The following GTF2A1L variants were observed in gnomAD, a reference collection of about 807,000 sequenced individuals.
GTF2A1L encodes general transcription factor IIA subunit 1 like, also known as TFIIA-alpha and beta-like factor.
A neutral mutation model predicts 49.7 loss-of-function variants in GTF2A1L; 48 were observed. The ratio of observed to expected loss-of-function variants is 0.97; its 90% confidence interval spans 0.77 to 1.23. The LOEUF (loss-of-function observed/expected upper bound fraction) is 1.23, where lower values mean the gene tolerates loss of function less well. GTF2A1L is among the 50% of genes most tolerant of loss of function. The pLI is 0.00. For synonymous variants in GTF2A1L, 246 were observed against 193.5 expected (o/e 1.27, Z -2.25); for missense variants, 736 against 564.8 (o/e 1.30, Z -3.07).
At position 48,625,749 on chromosome 2, in the gene GTF2A1L, A is replaced by G. The variant is rs764958446; in HGVS notation, c.247+4459A>G. Among the ~76,000 whole-genome samples the G allele has an allele frequency of 1.4e-5, 2 of 142,420 alleles. 1 individual carries two copies. Among genetic ancestry groups the G allele is most frequent in the Non-Finnish European group, 3.2e-5 (2 of 63,418 alleles). 93.4% of individuals were successfully genotyped at this position (142,420 alleles called of 152,430 possible). ...AGGCATACTCTATCATGCCTGGCTA[A>G]TTTTCACATTTTTTGTAGAGACCAG... On this transcript the variant is annotated intron_variant, in intron 3 of 8. Transcript: ENST00000403751.
chr2:48,671,458 C>A, intron 7 of GTF2A1L, 133 bp from the exon 8 acceptor site: 1 of 795,346 alleles, frequency 1.3e-6, no homozygotes, highest in Non-Finnish European at 1.9e-6. Context: ...CCTGCCTAGG[C>A]CTCCCGTAGT....
At chr2:48,669,242 C>G (rs1278661523) in intron 6 of GTF2A1L, among the ~76,000 whole-genome samples, 1 of 152,118 alleles carries the variant, frequency 6.6e-6, no homozygotes, top group Non-Finnish European at 1.5e-5. Context: ...TATGAATTTG[C>G]CTATTCTAGG....
At chr2:48,620,114 A>T (rs1427483790) in intron 1 of GTF2A1L, among the ~76,000 whole-genome samples, 1 of 152,196 alleles carries the variant, frequency 6.6e-6, no homozygotes. Context: ...TAATATAGTG[A>T]ACCCTAAAAA....
chr2:48,630,091 C>T (rs1178282708), intron 3 of GTF2A1L, among the ~76,000 whole-genome samples: 3 of 144,200 alleles, frequency 2.1e-5, no homozygotes, highest in Non-Finnish European at 3.1e-5. Context: ...ATTGTTTTGG[C>T]TGTTCAGGCT....
chr2:48,665,801 A>C (rs1277562908), intron 6 of GTF2A1L, among the ~76,000 whole-genome samples: 2 of 152,042 alleles, frequency 1.3e-5, no homozygotes, highest in South Asian at 4.1e-4. Context: ...GGTATTCTCT[A>C]TATATTAATT....
At chr2:48,635,869 G>C (rs915409318) in intron 3 of GTF2A1L, among the ~76,000 whole-genome samples, 2 of 152,020 alleles carry the variant, frequency 1.3e-5, no homozygotes. Context: ...TTCCCTCACA[G>C]CGTCTCCAAC....
intron 6 of GTF2A1L, among the ~76,000 whole-genome samples, chr2:48,652,354 G>C (rs190542401): frequency 6.6e-6 from 1 of 152,218 alleles, no homozygotes; most frequent in African/African-American, 2.4e-5. Flanking sequence ...GGTGGCTGCT[G>C]CCTGTAATCC....
At chr2:48,638,103 A>G (rs748723052) in intron 3 of GTF2A1L, among the ~76,000 whole-genome samples, 2 of 152,114 alleles carry the variant, frequency 1.3e-5, no homozygotes, top group Non-Finnish European at 2.9e-5. Context: ...CTACCAACCA[A>G]AAAAAGCCAA....
intron 1 of GTF2A1L, 116 bp downstream of exon 1, chr2:48,618,011 C>G (rs1266052701): frequency 9.3e-7 from 1 of 1,076,184 alleles, no homozygotes. Flanking sequence ...CATAAACCCT[C>G]TCTCTTCCTT....
intron 3 of GTF2A1L, among the ~76,000 whole-genome samples, chr2:48,629,189 C>G (rs1421312228): frequency 2.1e-5 from 3 of 141,270 alleles, no homozygotes; most frequent in African/African-American, 7.5e-5. Context: ...TGCAGTGAGC[C>G]AAGATCATGT....
intron 8 of GTF2A1L, among the ~76,000 whole-genome samples, chr2:48,673,127 C>T (rs777700903): frequency 9.9e-5 from 15 of 151,960 alleles, no homozygotes; most frequent in African/African-American, 1.5e-4. Flanking sequence ...ATCACGTCTT[C>T]GTTTTTTAAA....
intron 8 of GTF2A1L, among the ~76,000 whole-genome samples, chr2:48,678,459 C>T (rs923711201): frequency 6.6e-6 from 1 of 152,028 alleles, no homozygotes; most frequent in African/African-American, 2.4e-5. Flanking sequence ...GAATACCAGT[C>T]ACAGCCTTTG....
chr2:48,645,019 T>C lies in GTF2A1L; in HGVS notation c.304-14T>C. 1 of 1,584,206 alleles carries C rather than the reference T, an allele frequency of 6.3e-7. No individual in the cohort carries two copies. The highest frequency in any genetic ancestry group is 2.0e-5 in the Admixed American group (1 of 51,232). On this transcript the variant is annotated splice_polypyrimidine_tract_variant and intron_variant, in intron 4 of 8. Coordinates refer to ENST00000403751, the MANE Select transcript of GTF2A1L (RefSeq NM_006872.5). ...TCCTTTTCTAACTTTCTAATATAAA[T>C]TTCTTATATCTAGGGCACTTCAAAC...
intron 3 of GTF2A1L, among the ~76,000 whole-genome samples, chr2:48,624,866 A>C (rs1676216157): frequency 7.0e-6 from 1 of 143,646 alleles, no homozygotes; most frequent in Non-Finnish European, 1.6e-5. Flanking sequence ...ATGTTGTGAC[A>C]AATGGCAGAC....
intron 6 of GTF2A1L, among the ~76,000 whole-genome samples, chr2:48,656,063 T>A (rs1434669424): frequency 1.3e-5 from 2 of 152,320 alleles, no homozygotes; most frequent in East Asian, 3.9e-4. Flanking sequence ...ATACTGCATT[T>A]TGTTTATTCA....
rs1676259985 is a variant in GTF2A1L at position 48,625,804 on chromosome 2, A to G, written c.247+4514A>G. Among the ~76,000 whole-genome samples the G allele has an allele frequency of 1.4e-5, 2 of 143,156 alleles. 1 individual carries two copies. Among genetic ancestry groups the G allele is most frequent in the Non-Finnish European group, 3.1e-5 (2 of 63,744 alleles). 93.9% of individuals were successfully genotyped at this position (143,156 alleles called of 152,430 possible). On this transcript the variant is annotated intron_variant, in intron 3 of 8. Transcript: ENST00000403751. ...TGCTGTGTCGTCCAGGCTGGTCTTG[A>G]ACTCTTGGAATGAAGCAATCCTCCT... is the stretch of plus-strand genomic sequence containing the variant.
chr2:48,659,373 T>C (rs1572755170), intron 6 of GTF2A1L, among the ~76,000 whole-genome samples: 1 of 152,292 alleles, frequency 6.6e-6, no homozygotes, highest in South Asian at 2.1e-4. Context: ...TTTTTATTAT[T>C]GTAATTTTGT....
At chr2:48,646,395 G>A in intron 5 of GTF2A1L, 58 bp from the exon 6 acceptor site, 1 of 1,345,864 alleles carries the variant, frequency 7.4e-7, no homozygotes. Context: ...TTTTGTGGTG[G>A]TTGTCAAAGG....
intron 6 of GTF2A1L, among the ~76,000 whole-genome samples, chr2:48,654,707 A>G (rs563803053): frequency 1.3e-5 from 2 of 152,116 alleles, no homozygotes; most frequent in South Asian, 4.2e-4. Flanking sequence ...TTACATATGG[A>G]TATTCAATTG....
Sources: gnomAD v4.1 joint callset for allele counts (sites outside exome capture counted in the v4.1 genomes callset) on GRCh38, gnomAD v4.1.1 for gene constraint, MANE v1.5 for transcripts, NCBI Gene and HGNC (gene_info 2026-07-23, HGNC 2026-07-21) for gene names.